Variants in ATP10B observed in about 807,000 individuals in gnomAD.
ATP10B encodes ATPase phospholipid transporting 10B (putative), also known as phospholipid-transporting ATPase VB.
A neutral mutation model predicts 141.2 loss-of-function variants in ATP10B; 122 were observed. The observed-to-expected ratio is 0.86, with a 90% CI of 0.75 to 1.00. The LOEUF (loss-of-function observed/expected upper bound fraction) is 1.00. Ranked by LOEUF, ATP10B falls within the 50% of genes least tolerant of loss-of-function variation. The probability of loss-of-function intolerance (pLI) is 0.00; values close to 1 mark genes in which losing one functional copy is unlikely to be tolerated. For synonymous variants in ATP10B, 685 were observed against 692.0 expected (o/e 0.99, Z 0.16); for missense variants, 1,876 against 1,825.3 (o/e 1.03, Z -0.51).
chr5:160,703,613 G>C (rs762682637), intron 3 of ATP10B, among the ~76,000 whole-genome samples: 3 of 150,530 alleles, frequency 2.0e-5, no homozygotes, highest in Non-Finnish European at 1.5e-5. Context: ...GGTAGCTGGG[G>C]CTACAGGCAC....
intron 3 of ATP10B, among the ~76,000 whole-genome samples, chr5:160,714,899 TG>T (rs997459292): frequency 0.01 from 1,487 of 146,592 alleles, 10 homozygotes; most frequent in Non-Finnish European, 0.016. Context: ...GTGGCCCTGC[TG>T]GGGGGTGCCT....
At chr5:160,678,391 G>A (rs1296838822) in intron 6 of ATP10B, among the ~76,000 whole-genome samples, 1 of 152,198 alleles carries the variant, frequency 6.6e-6, no homozygotes, top group African/African-American at 2.4e-5. Context: ...TGGGCGTGGT[G>A]GCTCACGCCA....
chr5:160,570,725 C>A (rs1754826794), intron 24 of ATP10B, among the ~76,000 whole-genome samples: 1 of 152,200 alleles, frequency 6.6e-6, no homozygotes, highest in South Asian at 2.1e-4. Context: ...GCCTCCATTC[C>A]TTGGACCCTC....
chr5:160,894,502 G>A, the ATP10B span, among the ~76,000 whole-genome samples: 1 of 151,994 alleles, frequency 6.6e-6, no homozygotes, highest in East Asian at 1.9e-4. Context: ...CAAGATTAGA[G>A]AAAAAAGAAT....
At chr5:160,648,832 T>C (rs555506962) in intron 8 of ATP10B, among the ~76,000 whole-genome samples, 1 of 152,060 alleles carries the variant, frequency 6.6e-6, no homozygotes, top group South Asian at 2.1e-4. Context: ...TTACCTACAA[T>C]GCAATATAGG....
Position 160,591,054 on chromosome 5 carries a change from C to CT in ATP10B, c.3645+4dup. Reference sequence around the variant, plus strand: ...ATGTGGTTAGAATGGGACTACATGACTTACCAGGTAAGGGATAAAGAAACA... The same window carrying CT: ...ATGTGGTTAGAATGGGACTACATGACTTTACCAGGTAAGGGATAAAGAAACA... On this transcript the variant is annotated splice_donor_region_variant and intron_variant, in intron 23 of 25. Coordinates refer to ENST00000327245, the MANE Select transcript of ATP10B (RefSeq NM_025153.3). 3 of 1,612,202 alleles carry CT rather than the reference C, an allele frequency of 1.9e-6. No homozygotes were observed. Among genetic ancestry groups the CT allele is most frequent in the Non-Finnish European group, 2.5e-6 (3 of 1,178,786 alleles).
the ATP10B span, among the ~76,000 whole-genome samples, chr5:160,858,098 C>T: frequency 0.76 from 114,665 of 151,498 alleles, 44,387 homozygotes; most frequent in East Asian, 0.98. Flanking sequence ...TGGAATTGTC[C>T]ATTTTTCCTC....
intron 3 of ATP10B, chr5:160,691,786 A>G (rs1764090610): frequency 6.6e-6 from 1 of 152,216 alleles, no homozygotes; most frequent in South Asian, 2.1e-4. Context: ...GCCTGCAGGA[A>G]GCTCTTCAGA....
chr5:160,817,753 G>T (rs1300398248), intron 1 of ATP10B, among the ~76,000 whole-genome samples: 1 of 152,050 alleles, frequency 6.6e-6, no homozygotes, highest in Non-Finnish European at 1.5e-5. Flanking sequence ...AAACTATACT[G>T]CAAGGCTACA....
chr5:160,596,594 A>C (rs1756710463), intron 22 of ATP10B, among the ~76,000 whole-genome samples: 1 of 148,956 alleles, frequency 6.7e-6, no homozygotes, highest in East Asian at 2.0e-4. Context: ...GAAAAGAGGA[A>C]GTCAAATTGT....
intron 19 of ATP10B, among the ~76,000 whole-genome samples, chr5:160,605,721 C>T (rs1399909559): frequency 1.3e-5 from 2 of 152,168 alleles, no homozygotes; most frequent in Non-Finnish European, 2.9e-5. Context: ...TTATCCCATG[C>T]CTGTGTAGGA....
Position 160,836,931 on chromosome 5 carries a change from C to A in ATP10B, c.-576+15010G>T, listed in dbSNP as rs562795987. Among the ~76,000 whole-genome samples the A allele has an allele frequency of 2.0e-5, 3 of 152,216 alleles. No individual in the cohort carries two copies. In the South Asian group the frequency reaches 6.2e-4, roughly 32 times the overall value. On this transcript the variant is annotated intron_variant, in intron 1 of 25. Transcript: ENST00000327245. ...TCCTCCTAGAGCGATCAAATATTCCCTTGCTCAAGCCAAAAATGTATTTTT... is the reference window on the plus strand; with the variant it reads ...TCCTCCTAGAGCGATCAAATATTCCATTGCTCAAGCCAAAAATGTATTTTT...
rs754306962 is a variant in ATP10B, at chr5:160,615,922, G to T, written c.2569C>A (p.Arg857Ser). Residue 857 changes from arginine to serine, a missense_variant, in exon 17 of 26, where the codon CGT (arginine) becomes AGT (serine). Arg to Ser is a moderately radical substitution (Grantham distance 110). Coordinates refer to ENST00000327245, the MANE Select transcript of ATP10B (RefSeq NM_025153.3). Reference protein sequence around the residue: ...EDFRRWASFRREAEASLDNRD... With the variant: ...EDFRRWASFRSEAEASLDNRD... Reference sequence around the variant, plus strand: ...TTGTCGAGGGATGCCTCAGCCTCACGCCGGAAACTGGCCCATCTCCGGAAG... The same window carrying T: ...TTGTCGAGGGATGCCTCAGCCTCACTCCGGAAACTGGCCCATCTCCGGAAG... The T allele has an allele frequency of 6.2e-7, 1 of 1,613,724 alleles. No individual in the cohort carries two copies. Among genetic ancestry groups the T allele is most frequent in the Non-Finnish European group, 8.5e-7 (1 of 1,179,842 alleles).
intron 2 of ATP10B, among the ~76,000 whole-genome samples, chr5:160,768,763 G>A (rs1769667739): frequency 6.6e-6 from 1 of 152,154 alleles, no homozygotes; most frequent in African/African-American, 2.4e-5. Flanking sequence ...AGAACATCCA[G>A]AAAGATGCAT....
At chr5:160,831,418 T>C (rs1775073495) in intron 1 of ATP10B, among the ~76,000 whole-genome samples, 1 of 152,100 alleles carries the variant, frequency 6.6e-6, no homozygotes, top group Admixed American at 6.6e-5. Flanking sequence ...GCAGGAGACT[T>C]TCCTAAGTTA....
rs755863708 is a variant in ATP10B, at chr5:160,686,195, G to C, written c.354C>G (p.Thr118=). The change falls in exon 6 of 26, where the codon ACC becomes ACG. Residue 118 remains threonine (T), a synonymous_variant. Transcript: ENST00000327245. The part of the protein sequence containing the change: ...PSMEVFHREI[T]MLPLAIVLFV... ...ACAGGACAATGGCCAATGGTAACATGGTGATTTCTCTGTGGAAGACTTCCA... is the reference window on the plus strand; with the variant it reads ...ACAGGACAATGGCCAATGGTAACATCGTGATTTCTCTGTGGAAGACTTCCA... 24 of 1,612,762 alleles carry C rather than the reference G, an allele frequency of 1.5e-5. No homozygotes were observed. Among genetic ancestry groups the C allele is most frequent in the African/African-American group, 2.7e-5 (2 of 74,870 alleles).
At chr5:160,890,343 G>A in the ATP10B span, among the ~76,000 whole-genome samples, 1 of 152,032 alleles carries the variant, frequency 6.6e-6, no homozygotes, top group African/African-American at 2.4e-5. Flanking sequence ...TACAAATCGT[G>A]GCATTTAGTA....
At chr5:160,727,932 T>C (rs1276782610) in intron 2 of ATP10B, among the ~76,000 whole-genome samples, 1 of 152,190 alleles carries the variant, frequency 6.6e-6, no homozygotes, top group Non-Finnish European at 1.5e-5. Flanking sequence ...GACATACCAA[T>C]TGTAACTTTA....
At chr5:160,900,227 T>A in the ATP10B span, among the ~76,000 whole-genome samples, 1 of 152,212 alleles carries the variant, frequency 6.6e-6, no homozygotes, top group Non-Finnish European at 1.5e-5. Context: ...TTTGATCTTT[T>A]CTTTTTCTTT....
Sources: allele counts gnomAD v4.1 joint callset (sites outside exome capture counted in the v4.1 genomes callset), GRCh38; gene constraint gnomAD v4.1.1; transcripts MANE v1.5; gene names NCBI Gene and HGNC (gene_info 2026-07-23, HGNC 2026-07-21).